Variants in POT1 observed in about 807,000 individuals in gnomAD.
The protein encoded by POT1 is protection of telomeres protein 1.
POT1 carries 47 observed loss-of-function variants against 78.5 expected under a neutral mutation model. The ratio of observed to expected loss-of-function variants is 0.60; its 90% CI spans 0.47 to 0.76. POT1 has a LOEUF of 0.76. Ranked by LOEUF, POT1 falls within the 30% of genes least tolerant of loss-of-function variation. The probability of loss-of-function intolerance (pLI) is 0.00; values close to 1 mark genes in which losing one functional copy is unlikely to be tolerated. For synonymous variants in POT1, 259 were observed against 260.7 expected, an observed-to-expected ratio of 0.99 and a Z score of 0.06; for missense variants, 646 against 749.9, an observed-to-expected ratio of 0.86 and a Z score of 1.62.
intron 3 of POT1, among the ~76,000 whole-genome samples, chr7:124,909,445 C>A (rs1020672818): frequency 6.6e-6 from 1 of 151,844 alleles, no homozygotes; most frequent in African/African-American, 2.4e-5. Flanking sequence ...GGAGAAAACT[C>A]ATTCCTTTAA....
At chr7:124,902,904 A>C (rs1049920297) in intron 3 of POT1, among the ~76,000 whole-genome samples, 6 of 152,196 alleles carry the variant, frequency 3.9e-5, no homozygotes, top group Admixed American at 3.3e-4. Flanking sequence ...ACTTTAAACC[A>C]ACAAAGATCA....
intron 3 of POT1, among the ~76,000 whole-genome samples, chr7:124,901,870 A>G (rs1394377611): frequency 6.6e-6 from 1 of 152,196 alleles, no homozygotes; most frequent in Non-Finnish European, 1.5e-5. Context: ...CAAGAACTAC[A>G]TGATGCATGC....
chr7:124,917,618 C>T (rs1315426680), intron 2 of POT1, among the ~76,000 whole-genome samples: 2 of 152,090 alleles, frequency 1.3e-5, no homozygotes, highest in Admixed American at 6.6e-5. Context: ...CAAGAAAAAA[C>T]GCAAAGCAAT....
chr7:124,889,992 C>G (rs1796331566), intron 6 of POT1, among the ~76,000 whole-genome samples: 1 of 151,692 alleles, frequency 6.6e-6, no homozygotes, highest in South Asian at 2.1e-4. Context: ...AAAAAAATAC[C>G]TTTTATAAGG....
chr7:124,911,048 T>G (rs1285740097), intron 3 of POT1, among the ~76,000 whole-genome samples: 1 of 152,082 alleles, frequency 6.6e-6, no homozygotes, highest in African/African-American at 2.4e-5. Context: ...GTATTCATAT[T>G]TGCACCTGAC....
At chr7:124,914,702 C>CT (rs1796975809) in intron 3 of POT1, among the ~76,000 whole-genome samples, 1 of 152,052 alleles carries the variant, frequency 6.6e-6, no homozygotes, top group South Asian at 2.1e-4. Flanking sequence ...ATGGACATTG[C>CT]ATTAGGCATT....
chr7:124,858,447 G>C (rs1795500129), intron 9 of POT1, among the ~76,000 whole-genome samples: 1 of 151,936 alleles, frequency 6.6e-6, no homozygotes, highest in Admixed American at 6.6e-5. Flanking sequence ...TCAGAAGACA[G>C]TATGCAAATT....
chr7:124,823,797 C>A lies in POT1; in HGVS notation c.*165G>T. On this transcript the variant is annotated 3_prime_UTR_variant, in exon 19 of 19. Transcript: ENST00000357628. ...AACAAAATCCATAGCCATTATTTACCTTGCACCCAGTAAAAGCCAAGAGAT... is the reference window on the plus strand; with the variant it reads ...AACAAAATCCATAGCCATTATTTACATTGCACCCAGTAAAAGCCAAGAGAT... 1 of 586,674 alleles carries A rather than the reference C, an allele frequency of 1.7e-6. No individual in the cohort carries two copies. Among genetic ancestry groups the A allele is most frequent in the South Asian group, 2.2e-5 (1 of 46,034 alleles). The allele number at this position is 586,674 out of a possible 1,614,324, so 36.3% of individuals were successfully genotyped here. A position where few individuals can be genotyped will look rare whatever the true frequency, so the allele number is the denominator to read the frequency against.
intron 2 of POT1, among the ~76,000 whole-genome samples, chr7:124,923,305 C>T (rs974522566): frequency 2.0e-5 from 3 of 151,514 alleles, no homozygotes; most frequent in African/African-American, 7.3e-5. Context: ...GAGAGATTTA[C>T]CAATGAGACA....
chr7:124,822,736 TG>T lies in POT1; in HGVS notation c.*1225del. On this transcript the variant is annotated 3_prime_UTR_variant, in exon 19 of 19. Coordinates refer to ENST00000357628, the MANE Select transcript of POT1 (RefSeq NM_015450.3). The stretch of plus-strand genomic sequence containing the variant: ...CTCAAACAAGCTGATAAGTCGATGA[TG>T]GGGGACATTGGTAGTTAGGTAAAGA... 1 of 248,126 alleles carries T rather than the reference TG, an allele frequency of 4.0e-6. No homozygotes were observed. The highest frequency in any genetic ancestry group is 8.9e-6 in the Non-Finnish European group (1 of 112,214). The allele number at this position is 248,126 out of a possible 1,614,324, so 15.4% of individuals were successfully genotyped here. A position where few individuals can be genotyped will look rare whatever the true frequency, so the allele number is the denominator to read the frequency against.
At chr7:124,870,392 C>T (rs1206486057) in intron 7 of POT1, among the ~76,000 whole-genome samples, 1 of 151,960 alleles carries the variant, frequency 6.6e-6, no homozygotes, top group African/African-American at 2.4e-5. Flanking sequence ...TATTTAACTA[C>T]AGGCATAATT....
At chr7:124,886,658 T>C (rs1372439031) in intron 6 of POT1, among the ~76,000 whole-genome samples, 3 of 152,122 alleles carry the variant, frequency 2.0e-5, no homozygotes, top group Non-Finnish European at 4.4e-5. Context: ...AAAAGATGGC[T>C]CATTACTAGC....
chr7:124,909,180 C>A (rs897884859), intron 3 of POT1, among the ~76,000 whole-genome samples: 1 of 151,744 alleles, frequency 6.6e-6, no homozygotes, highest in East Asian at 1.9e-4. Flanking sequence ...AAAAGTCTTT[C>A]CTCATATTTT....
intron 3 of POT1, among the ~76,000 whole-genome samples, chr7:124,909,879 G>T (rs1397647636): frequency 6.6e-6 from 1 of 151,578 alleles, no homozygotes; most frequent in Non-Finnish European, 1.5e-5. Flanking sequence ...AAAGGATAAA[G>T]GTGAAATATA....
intron 3 of POT1, among the ~76,000 whole-genome samples, chr7:124,898,820 A>G (rs976903646): frequency 1.3e-5 from 2 of 152,096 alleles, no homozygotes; most frequent in South Asian, 2.1e-4. Context: ...ATAATAAGAA[A>G]TTTCCATTTA....
chr7:124,830,322 C>G lies in POT1; in HGVS notation c.1506-980G>C, dbSNP rs902448233. ...TATGAGATGTTGATAAGAAAATATA[C>G]TTGAAAAGATATACTTGAATAAAAA... On this transcript the variant is annotated intron_variant, in intron 15 of 18. Coordinates refer to ENST00000357628, the MANE Select transcript of POT1 (RefSeq NM_015450.3). Among the ~76,000 whole-genome samples the G allele has an allele frequency of 2.3e-4, 35 of 152,128 alleles. 1 individual carries two copies. Among genetic ancestry groups the G allele is most frequent in the African/African-American group, 7.7e-4 (32 of 41,530 alleles).
intron 9 of POT1, among the ~76,000 whole-genome samples, chr7:124,856,776 T>C (rs1317720235): frequency 6.6e-6 from 1 of 152,214 alleles, no homozygotes; most frequent in Non-Finnish European, 1.5e-5. Flanking sequence ...GTAAATTCAT[T>C]TTATTTATGA....
chr7:124,829,341 A>G lies in POT1; in HGVS notation c.1507T>C (p.Cys503Arg). 1 of 1,536,338 alleles carries G rather than the reference A, an allele frequency of 6.5e-7. No homozygotes were observed. Among genetic ancestry groups the G allele is most frequent in the African/African-American group, 1.4e-5 (1 of 72,452 alleles). Residue 503 changes from cysteine (C) to arginine (R), a missense_variant and splice_region_variant, in exon 16 of 19, where the codon TGT becomes CGT. Cys to Arg is a radical substitution (Grantham distance 180). Coordinates refer to ENST00000357628, the MANE Select transcript of POT1 (RefSeq NM_015450.3). ...LIQGTIHHYG[C>R]KQCSSLRSIQ... Reference sequence around the variant, plus strand: ...GATCTCAAACTAGAACACTGTTTACATCTGAAATTTATAAAAGAAAGAACC... The same window carrying G: ...GATCTCAAACTAGAACACTGTTTACGTCTGAAATTTATAAAAGAAAGAACC...
At chr7:124,841,634 T>C (rs1795030186) in intron 13 of POT1, among the ~76,000 whole-genome samples, 1 of 151,968 alleles carries the variant, frequency 6.6e-6, no homozygotes, top group South Asian at 2.1e-4. Flanking sequence ...AATTAATAAT[T>C]TTAAGAAGTC....
Sources: gnomAD v4.1 joint callset for allele counts (sites outside exome capture counted in the v4.1 genomes callset) on GRCh38, gnomAD v4.1.1 for gene constraint, MANE v1.5 for transcripts, NCBI Gene and HGNC (gene_info 2026-07-23, HGNC 2026-07-21) for gene names.